Variants in WDPCP observed in about 807,000 individuals in gnomAD.
The protein encoded by WDPCP is WD repeat-containing and planar cell polarity effector protein fritz homolog.
WDPCP carries 71 observed loss-of-function variants against 93.1 expected under a neutral mutation model. The ratio of observed to expected loss-of-function variants is 0.76; its 90% confidence interval spans 0.63 to 0.93. The LOEUF is 0.93. Among genes scored for constraint, WDPCP ranks in the 40% least tolerant of loss-of-function variants. The pLI, the probability that WDPCP is intolerant of heterozygous loss-of-function variation, is 0.00. For missense variants in WDPCP, 844 were observed against 887.4 expected, an observed-to-expected ratio of 0.95 and a Z score of 0.62; for synonymous variants, 315 against 315.0, an observed-to-expected ratio of 1.00 and a Z score of 0.00.
intron 4 of WDPCP, 123 bp from the exon 5 acceptor site, chr2:63,485,110 T>C: frequency 3.1e-6 from 3 of 974,644 alleles, no homozygotes; most frequent in Non-Finnish European, 4.7e-6. Context: ...GTGGGCTTCA[T>C]TTCCATCATC....
At chr2:63,206,540 C>A (rs774800169) in intron 14 of WDPCP, among the ~76,000 whole-genome samples, 4 of 151,982 alleles carry the variant, frequency 2.6e-5, no homozygotes, top group Non-Finnish European at 5.9e-5. Flanking sequence ...GCAGCCTTGA[C>A]CTCCTGGACT....
intron 6 of WDPCP, among the ~76,000 whole-genome samples, chr2:63,459,820 G>C (rs1258960780): frequency 6.6e-6 from 1 of 151,464 alleles, no homozygotes; most frequent in Non-Finnish European, 1.5e-5. Flanking sequence ...AGGAGGCTGA[G>C]GCAAGAGAAT....
chr2:63,502,997 C>T (rs1026453964), intron 1 of WDPCP, among the ~76,000 whole-genome samples: 3 of 152,184 alleles, frequency 2.0e-5, no homozygotes, highest in African/African-American at 4.8e-5. Flanking sequence ...GAGGTTAGAA[C>T]AAATTCTATG....
chr2:63,517,693 TA>T (rs750783504), intron 1 of WDPCP, among the ~76,000 whole-genome samples: 205 of 152,278 alleles, frequency 1.3e-3, no homozygotes, highest in Non-Finnish European at 2.5e-3. Flanking sequence ...TTTCTAGTTG[TA>T]TTGCATTTAC....
intron 3 of WDPCP, among the ~76,000 whole-genome samples, chr2:63,633,297 G>C (rs1281818680): frequency 6.6e-6 from 1 of 152,072 alleles, no homozygotes; most frequent in Non-Finnish European, 1.5e-5. Flanking sequence ...AAACTGACTG[G>C]TAAAGGTAAA....
intron 10 of WDPCP, among the ~76,000 whole-genome samples, chr2:63,396,656 C>CTTT (rs11455583): frequency 4.0e-5 from 6 of 150,084 alleles, no homozygotes; most frequent in African/African-American, 1.5e-4. Context: ...TAAAGTATTT[C>CTTT]TCTTTTTTTT....
intron 6 of WDPCP, among the ~76,000 whole-genome samples, chr2:63,470,816 C>T (rs773920226): frequency 5.3e-5 from 8 of 152,112 alleles, no homozygotes; most frequent in Admixed American, 1.3e-4. Context: ...ACTCTTCTTG[C>T]TCATTTCACC....
chr2:63,491,625 T>G (rs1700885203), intron 2 of WDPCP, among the ~76,000 whole-genome samples: 1 of 152,196 alleles, frequency 6.6e-6, no homozygotes, highest in African/African-American at 2.4e-5. Flanking sequence ...GTGCCTGTTT[T>G]CAGTTCAGCA....
chr2:63,607,396 GC>G (rs1709554049), intron 3 of WDPCP, among the ~76,000 whole-genome samples: 1 of 151,990 alleles, frequency 6.6e-6, no homozygotes, highest in Non-Finnish European at 1.5e-5. Flanking sequence ...AATTAGCCAG[GC>G]GTGGTGGCAC....
intron 1 of WDPCP, among the ~76,000 whole-genome samples, chr2:63,515,408 T>A (rs1199187719): frequency 6.6e-6 from 1 of 152,148 alleles, no homozygotes; most frequent in African/African-American, 2.4e-5. Flanking sequence ...TGTGGCACAC[T>A]CAAAAGTACT....
intron 3 of WDPCP, among the ~76,000 whole-genome samples, chr2:63,632,056 C>T (rs1397724496): frequency 1.3e-5 from 2 of 152,182 alleles, no homozygotes; most frequent in Non-Finnish European, 1.5e-5. Flanking sequence ...CCCCTGCAAT[C>T]GTTACTGATG....
intron 2 of WDPCP, among the ~76,000 whole-genome samples, chr2:63,736,637 G>C (rs756600334): frequency 6.6e-6 from 1 of 152,148 alleles, no homozygotes; most frequent in Non-Finnish European, 1.5e-5. Context: ...CAAAATTCTG[G>C]CAGGAAAGGA....
At chr2:63,366,952 A>G (rs1320946997) in intron 12 of WDPCP, among the ~76,000 whole-genome samples, 1 of 152,060 alleles carries the variant, frequency 6.6e-6, no homozygotes, top group Non-Finnish European at 1.5e-5. Context: ...ATATGGTTAC[A>G]TAGTAGAATG....
chr2:63,722,463 G>T (rs1309657511), intron 2 of WDPCP, among the ~76,000 whole-genome samples: 7 of 140,136 alleles, frequency 5.0e-5, no homozygotes, highest in Non-Finnish European at 6.2e-5. Flanking sequence ...CGGCCGCCCC[G>T]TCTGAGAAGT....
intron 13 of WDPCP, among the ~76,000 whole-genome samples, chr2:63,273,469 C>T (rs770782953): frequency 1.4e-4 from 21 of 151,310 alleles, no homozygotes; most frequent in Non-Finnish European, 3.1e-4. Flanking sequence ...AGAAATAAGT[C>T]CTCATCTAAC....
intron 1 of WDPCP, among the ~76,000 whole-genome samples, chr2:63,558,103 G>C (rs1299068859): frequency 6.6e-6 from 1 of 151,456 alleles, no homozygotes; most frequent in Non-Finnish European, 1.5e-5. Flanking sequence ...AATCAAAGCA[G>C]ACAAGAAATA....
chr2:63,571,660 A>G, intron 1 of WDPCP: 1 of 469,012 alleles, frequency 2.1e-6, no homozygotes, highest in South Asian at 1.6e-5. Context: ...GACCTACTCC[A>G]CCATTACTAG....
At position 63,622,190 on chromosome 2, in the gene WDPCP, C is replaced by T. The variant is rs1450042304; in HGVS notation, n.488+28469G>A. The T allele has an allele frequency of 6.9e-6, 11 of 1,591,858 alleles. No individual in the cohort carries two copies. In the East Asian group the frequency reaches 2.3e-4, roughly 33 times the overall value. On this transcript the variant is annotated intron_variant and non_coding_transcript_variant, in intron 3 of 4. Coordinates refer to the WDPCP transcript ENST00000467687. The stretch of plus-strand genomic sequence containing the variant: ...GGTGGGCTGGCTACACAAACTGTTG[C>T]TGCTGCTGCTGCTTCTTGGTGGCCG...
At chr2:63,593,137 G>C (rs1171504705), upstream of WDPCP, 4 of 150,294 alleles carry the variant, frequency 2.7e-5, no homozygotes, top group Non-Finnish European at 5.9e-5. Context: ...TTTCGCTCTT[G>C]TTGCCCAGGC....
Sources: gnomAD v4.1 joint callset for allele counts (sites outside exome capture counted in the v4.1 genomes callset) on GRCh38, gnomAD v4.1.1 for gene constraint, MANE v1.5 for transcripts, NCBI Gene and HGNC (gene_info 2026-07-23, HGNC 2026-07-21) for gene names.